Variants in SUN1 observed in about 807,000 individuals in gnomAD.
SUN1 encodes the protein SUN domain-containing protein 1.
In SUN1, 61 loss-of-function variants were observed where a neutral mutation model predicts 103.2. That is an observed-to-expected ratio of 0.59 (90% CI 0.48 to 0.73). The LOEUF is 0.73. Ranked by LOEUF, SUN1 falls within the 30% of genes least tolerant of loss-of-function variation. The pLI is 0.00. For synonymous variants in SUN1, 490 were observed against 425.7 expected, an observed-to-expected ratio of 1.15 and a Z score of -1.86; for missense variants, 1,052 against 1,034.6, an observed-to-expected ratio of 1.02 and a Z score of -0.23.
intron 1 of SUN1, among the ~76,000 whole-genome samples, chr7:834,538 G>A (rs1009946222): frequency 6.6e-6 from 1 of 152,182 alleles, no homozygotes; most frequent in Non-Finnish European, 1.5e-5. Context: ...TCAGCTGGCC[G>A]GCCTTGCGTT....
intron 2 of SUN1, among the ~76,000 whole-genome samples, chr7:839,445 C>T: frequency 6.6e-6 from 1 of 152,254 alleles, no homozygotes; most frequent in East Asian, 1.9e-4. Context: ...AATGCAGTGG[C>T]ACGATCTCAG....
At chr7:830,087 C>T (rs961581650), upstream of SUN1, among the ~76,000 whole-genome samples, 1 of 152,040 alleles carries the variant, frequency 6.6e-6, no homozygotes, top group Non-Finnish European at 1.5e-5. Flanking sequence ...TGATCCGTGT[C>T]GTGGTCTGTT....
intron 5 of SUN1, among the ~76,000 whole-genome samples, chr7:844,952 G>A (rs374020299): frequency 1.8e-4 from 28 of 152,298 alleles, no homozygotes; most frequent in Middle Eastern, 3.4e-3. Flanking sequence ...CTTAATCGAC[G>A]CGCACAAGGA....
At chr7:838,417 G>C (rs1225134812) in intron 1 of SUN1, among the ~76,000 whole-genome samples, 3 of 152,124 alleles carry the variant, frequency 2.0e-5, no homozygotes, top group Non-Finnish European at 4.4e-5. Flanking sequence ...CTGGTGTATT[G>C]GATTAAATCT....
At chr7:832,720 A>G in intron 1 of SUN1, 119 bp downstream of exon 1, 1 of 731,666 alleles carries the variant, frequency 1.4e-6, no homozygotes, top group East Asian at 2.8e-5. Flanking sequence ...TTTGAAGGTG[A>G]AAAAAAATAA....
At chr7:828,842 A>G (rs1795309110), upstream of SUN1, among the ~76,000 whole-genome samples, 1 of 152,206 alleles carries the variant, frequency 6.6e-6, no homozygotes, top group African/African-American at 2.4e-5. Context: ...ATCTTCCCAC[A>G]GTCCCCTCTG....
intron 18 of SUN1, among the ~76,000 whole-genome samples, 159 bp downstream of exon 18, chr7:872,721 A>G (rs1842579798): frequency 6.6e-6 from 1 of 152,200 alleles, no homozygotes; most frequent in Non-Finnish European, 1.5e-5. Context: ...GAGCCTTTCC[A>G]TGGCTAATAG....
chr7:859,949 C>T (rs1242064292), intron 13 of SUN1, among the ~76,000 whole-genome samples, 179 bp from the exon 14 acceptor site: 1 of 152,130 alleles, frequency 6.6e-6, no homozygotes, highest in Non-Finnish European at 1.5e-5. Context: ...TTCTTTTTAA[C>T]ATGGTCCTGC....
chr7:821,783 G>T (rs1031530255), intron 1 of SUN1, among the ~76,000 whole-genome samples: 3 of 152,178 alleles, frequency 2.0e-5, no homozygotes, highest in African/African-American at 7.2e-5. Flanking sequence ...GCCCACTGGT[G>T]ATTCCAGTTA....
chr7:843,584 G>A, intron 5 of SUN1, 64 bp downstream of exon 5: 1 of 1,613,186 alleles, frequency 6.2e-7, no homozygotes, highest in East Asian at 2.2e-5. Flanking sequence ...TTTCCTTTCT[G>A]TAAGTCTCAG....
chr7:828,927 C>T (rs1471893577), upstream of SUN1, among the ~76,000 whole-genome samples: 1 of 152,230 alleles, frequency 6.6e-6, no homozygotes, highest in Non-Finnish European at 1.5e-5. Context: ...CTATTCTCAG[C>T]ATCCTGCACA....
At chr7:847,528 G>A (rs1353386389) in intron 5 of SUN1, among the ~76,000 whole-genome samples, 1 of 84,136 alleles carries the variant, frequency 1.2e-5, no homozygotes, top group Non-Finnish European at 2.5e-5. Context: ...GCCTTCCCCT[G>A]GGGGTTACCC....
chr7:858,579 T>C (rs1209920160), intron 13 of SUN1, among the ~76,000 whole-genome samples: 2 of 152,146 alleles, frequency 1.3e-5, no homozygotes, highest in Admixed American at 6.5e-5. Flanking sequence ...GGGTTGTTGC[T>C]GTGTACCTTT....
chr7:860,811 A>G (rs1585090253), intron 14 of SUN1, among the ~76,000 whole-genome samples: 1 of 152,148 alleles, frequency 6.6e-6, no homozygotes, highest in Admixed American at 6.5e-5. Context: ...GTGAACGAGG[A>G]GCAAAGTCGT....
At position 849,784 on chromosome 7, in the gene SUN1, G is replaced by T. The variant is rs1042702517; in HGVS notation, c.659-1600G>T. 125 of 1,117,908 alleles carry T rather than the reference G, an allele frequency of 1.1e-4. 1 individual carries two copies. The highest frequency in any genetic ancestry group is 7.2e-5 in the Admixed American group (4 of 55,414). The allele number at this position is 1,117,908 out of a possible 1,614,324, so 69.2% of individuals were successfully genotyped here. On this transcript the variant is annotated intron_variant, in intron 5 of 18. Transcript: ENST00000401592. ...CACAGAAGCTCATAGCCACCAGATC[G>T]CATTTGCTTTGATTGTTGACTGTCT...
upstream of SUN1, among the ~76,000 whole-genome samples, chr7:829,510 T>C (rs11769388): frequency 0.15 from 23,311 of 151,972 alleles, 1,921 homozygotes; most frequent in South Asian, 0.24. Context: ...AACAAATCTT[T>C]TGTCTCAGGA....
At chr7:830,304 C>T (rs897440267), upstream of SUN1, among the ~76,000 whole-genome samples, 2 of 152,134 alleles carry the variant, frequency 1.3e-5, no homozygotes, top group Non-Finnish European at 2.9e-5. Flanking sequence ...TGGGCTTCGG[C>T]GCTTGTCAGG....
chr7:851,029 A>G (rs568639148), intron 5 of SUN1: 6 of 177,910 alleles, frequency 3.4e-5, no homozygotes, highest in South Asian at 1.4e-4. Flanking sequence ...AAAATATGGT[A>G]TGATCTTCCC....
chr7:835,793 C>T (rs1040603190), intron 1 of SUN1, among the ~76,000 whole-genome samples: 1 of 152,228 alleles, frequency 6.6e-6, no homozygotes, highest in African/African-American at 2.4e-5. Context: ...CCTTGAACTT[C>T]AGGGTCAGAG....
Sources: gnomAD v4.1 joint callset for allele counts (sites outside exome capture counted in the v4.1 genomes callset) on GRCh38, gnomAD v4.1.1 for gene constraint, MANE v1.5 for transcripts, NCBI Gene and HGNC (gene_info 2026-07-23, HGNC 2026-07-21) for gene names.